SLC41A3: variants seen among roughly 807,000 people sequenced by gnomAD.
SLC41A3 encodes solute carrier family 41 member 3, also known as SLC41A1-like 2.
Under a neutral mutation model 45.4 loss-of-function variants are expected in SLC41A3, and 44 were observed. That is an observed-to-expected ratio of 0.97 (90% CI 0.76 to 1.25). SLC41A3 has a LOEUF of 1.25. Among genes scored for constraint, SLC41A3 ranks in the 50% most tolerant of loss-of-function variants. The pLI, the probability that SLC41A3 is intolerant of heterozygous loss-of-function variation, is 0.00. For missense variants in SLC41A3, 550 were observed against 600.6 expected, an observed-to-expected ratio of 0.92 and a Z score of 0.88; for synonymous variants, 256 against 252.4, an observed-to-expected ratio of 1.01 and a Z score of -0.13.
At chr3:126,061,187 T>C (rs534911218) in intron 2 of SLC41A3, among the ~76,000 whole-genome samples, 7 of 152,350 alleles carry the variant, frequency 4.6e-5, no homozygotes, top group African/African-American at 1.7e-4. Context: ...TGGTCATTCT[T>C]ACAGGCATGA....
chr3:126,013,905 GA>G (rs1271220533), intron 8 of SLC41A3, among the ~76,000 whole-genome samples: 2 of 152,190 alleles, frequency 1.3e-5, no homozygotes, highest in Non-Finnish European at 2.9e-5. Context: ...ATGAGGCCCA[GA>G]AAACCATGAG....
At chr3:126,008,633 A>C (rs1018327427) in intron 10 of SLC41A3, 99 bp downstream of exon 10, 16 of 1,508,784 alleles carry the variant, frequency 1.1e-5, no homozygotes, top group African/African-American at 1.4e-5. Context: ...ACGTCCAGCC[A>C]CCCCCACCCG....
chr3:126,064,470 G>C (rs558860771), intron 2 of SLC41A3, among the ~76,000 whole-genome samples: 1 of 152,030 alleles, frequency 6.6e-6, no homozygotes, highest in South Asian at 2.1e-4. Flanking sequence ...CTCCTGCCTG[G>C]GTGACTGGTA....
At chr3:126,090,122 T>G (rs1402247276) in intron 1 of SLC41A3, among the ~76,000 whole-genome samples, 1 of 151,698 alleles carries the variant, frequency 6.6e-6, no homozygotes, top group Non-Finnish European at 1.5e-5. Flanking sequence ...AAATCTGGAT[T>G]GTGGTTTTAT....
At chr3:126,096,937 T>C (rs1454142435) in intron 1 of SLC41A3, among the ~76,000 whole-genome samples, 1 of 152,086 alleles carries the variant, frequency 6.6e-6, no homozygotes, top group African/African-American at 2.4e-5. Flanking sequence ...AGAATTCAAC[T>C]GAGGGGCATA....
rs1944218701 is a variant in SLC41A3 at position 126,063,958 on chromosome 3, CGGGGACACACACT to C, written c.273+3976_273+3988del. Among the ~76,000 whole-genome samples, 8 of 138,254 alleles carry C rather than the reference CGGGGACACACACT, an allele frequency of 5.8e-5. No homozygotes were observed. In the South Asian group the frequency reaches 7.2e-4, roughly 12 times the overall value. 90.7% of individuals were successfully genotyped at this position (138,254 alleles called of 152,430 possible). On this transcript the variant is annotated intron_variant, in intron 2 of 10. Transcript: ENST00000360370. ...GATTAAGCCAGATCCAACCCCCCCC[CGGGGACACACACT>C]CCCCATACCCAGGCCACCAAATCCC...
At chr3:126,060,889 T>G (rs563357298) in intron 2 of SLC41A3, among the ~76,000 whole-genome samples, 6 of 152,280 alleles carry the variant, frequency 3.9e-5, no homozygotes, top group African/African-American at 1.4e-4. Context: ...AGATCAGTGG[T>G]GCTCACCCAT....
At chr3:126,044,467 G>C (rs1942809883) in intron 3 of SLC41A3, among the ~76,000 whole-genome samples, 1 of 152,062 alleles carries the variant, frequency 6.6e-6, no homozygotes, top group Admixed American at 6.5e-5. Flanking sequence ...GGACCTAAAA[G>C]AAAATATACA....
At position 126,026,213 on chromosome 3, in the gene SLC41A3, C is replaced by T. The variant is rs1285653493; in HGVS notation, c.598+122G>A. 19 of 1,416,854 alleles carry T rather than the reference C, an allele frequency of 1.3e-5. No individual in the cohort carries two copies. The highest frequency in any genetic ancestry group is 1.8e-5 in the Non-Finnish European group (19 of 1,057,750). 87.8% of individuals were successfully genotyped at this position (1,416,854 alleles called of 1,614,324 possible). On this transcript the variant is annotated intron_variant, in intron 5 of 10. Coordinates refer to ENST00000360370, the MANE Select transcript of SLC41A3 (RefSeq NM_017836.4). This position sits in a 1 kb window ranked among gnomAD's most constrained non-coding sequence, Gnocchi z 4.2. ...ACCCTGCCAGTGAGAACCCTGAGCC[C>T]ACCATCAGTCCCATTAGCAGTGGGA...
chr3:126,060,529 T>C (rs1376773190), intron 2 of SLC41A3, among the ~76,000 whole-genome samples: 1 of 151,716 alleles, frequency 6.6e-6, no homozygotes. Context: ...CTTTGGGTGG[T>C]GGGTTCATAA....
intron 1 of SLC41A3, among the ~76,000 whole-genome samples, chr3:126,090,696 C>A (rs1452554538): frequency 1.3e-5 from 2 of 152,024 alleles, no homozygotes; most frequent in African/African-American, 4.8e-5. Context: ...GAGATGAGTC[C>A]CTCGTTTAGC....
intron 3 of SLC41A3, among the ~76,000 whole-genome samples, chr3:126,042,521 G>C (rs1942660622): frequency 6.6e-6 from 1 of 152,084 alleles, no homozygotes; most frequent in Non-Finnish European, 1.5e-5. Flanking sequence ...CAAAAAAAGT[G>C]AAACACAGTC....
intron 9 of SLC41A3, among the ~76,000 whole-genome samples, chr3:126,011,190 A>C (rs1332332149): frequency 2.0e-5 from 3 of 152,222 alleles, no homozygotes; most frequent in Non-Finnish European, 4.4e-5. Context: ...AACAAACAAA[A>C]AAATAGAAAG....
Position 126,051,046 on chromosome 3 carries a change from C to T in SLC41A3, c.278G>A (p.Trp93Ter), listed in dbSNP as rs118065981. The change falls in exon 3 of 11, where the codon TGG (tryptophan) becomes TAG (stop). Residue 93 changes from tryptophan (W) to a stop codon, truncating the protein, a stop_gained. Coordinates refer to ENST00000360370, the MANE Select transcript of SLC41A3 (RefSeq NM_017836.4). LOFTEE classifies it high-confidence loss of function. ...AGMLLDYFQH[W>*]PVFVEVKDLL... The stretch of plus-strand genomic sequence containing the variant: ...GTCTTTCACCTCCACAAACACAGGC[C>T]AGTGCTGGTAGGGAAACAGTAAGGA... 1 of 1,604,270 alleles carries T rather than the reference C, an allele frequency of 6.2e-7. No homozygotes were observed. The highest frequency in any genetic ancestry group is 2.2e-5 in the East Asian group (1 of 44,652).
At position 126,080,620 on chromosome 3, in the gene SLC41A3, T is replaced by G. The variant is rs189874900; in HGVS notation, c.-28+3473A>C. Among the ~76,000 whole-genome samples the G allele has an allele frequency of 1.4e-4, 22 of 152,294 alleles. 3 individuals carry two copies. Among genetic ancestry groups the G allele is most frequent in the African/African-American group, 5.3e-4 (22 of 41,564 alleles). ...ACTGTTAGTGGGAATGTAAACTAGT[T>G]CAGCCACTATGGAGAACAGTATGGA... On this transcript the variant is annotated intron_variant, in intron 1 of 10. Transcript: ENST00000360370.
intron 2 of SLC41A3, among the ~76,000 whole-genome samples, chr3:126,059,054 C>G (rs1308369959): frequency 6.6e-6 from 1 of 151,416 alleles, no homozygotes; most frequent in Admixed American, 6.6e-5. Flanking sequence ...TGCTCTCCCT[C>G]CCTGGCACGC....
At chr3:126,045,650 G>A (rs1173913536) in intron 3 of SLC41A3, among the ~76,000 whole-genome samples, 1 of 152,052 alleles carries the variant, frequency 6.6e-6, no homozygotes, top group Non-Finnish European at 1.5e-5. Flanking sequence ...AGAAAACCCA[G>A]GACCAGAAGC....
chr3:126,054,540 G>A (rs1251299356), intron 2 of SLC41A3, among the ~76,000 whole-genome samples: 1 of 151,954 alleles, frequency 6.6e-6, no homozygotes, highest in East Asian at 1.9e-4. Flanking sequence ...CCATGACAGC[G>A]GCCACCCCTG....
intron 1 of SLC41A3, among the ~76,000 whole-genome samples, chr3:126,073,678 T>TA (rs1444169275): frequency 6.6e-6 from 1 of 151,544 alleles, no homozygotes; most frequent in East Asian, 1.9e-4. Context: ...CGTGAAGAAA[T>TA]AAAAAATATT....
Sources: allele counts gnomAD v4.1 joint callset (sites outside exome capture counted in the v4.1 genomes callset), GRCh38; gene constraint gnomAD v4.1.1; non-coding constraint Gnocchi (gnomAD v3.1); transcripts MANE v1.5; gene names NCBI Gene and HGNC (gene_info 2026-07-23, HGNC 2026-07-21).